Variants in HPSE2 observed in about 807,000 individuals in gnomAD.
The protein encoded by HPSE2 is inactive heparanase-2.
In HPSE2, 38 loss-of-function variants were observed where a neutral mutation model predicts 60.5. The ratio of observed to expected loss-of-function variants is 0.63; its 90% confidence interval spans 0.48 to 0.82. HPSE2 has a LOEUF of 0.82. HPSE2 is among the 40% of genes least tolerant of loss of function. The pLI is 0.00. For missense variants in HPSE2, 713 were observed against 740.4 expected, an observed-to-expected ratio of 0.96 and a Z score of 0.43; for synonymous variants, 295 against 293.2, an observed-to-expected ratio of 1.01 and a Z score of -0.06.
intron 3 of HPSE2, among the ~76,000 whole-genome samples, chr10:99,003,925 T>C (rs1956833214): frequency 1.3e-5 from 2 of 152,108 alleles, no homozygotes; most frequent in African/African-American, 4.8e-5. Context: ...AGTTTCAGAT[T>C]CTAAATTTAA....
At position 98,722,375 on chromosome 10, in the gene HPSE2, G is replaced by A. The variant is rs527297097; in HGVS notation, c.785-547C>T. On this transcript the variant is annotated intron_variant, in intron 4 of 11. Coordinates refer to ENST00000370552, the MANE Select transcript of HPSE2 (RefSeq NM_021828.5). ...ATTGCTGGCAGCCACCGGAAGCTAG[G>A]AAAGAGGCATGGAATAGATTCTCTC... 8.7e-4 allele frequency among the ~76,000 whole-genome samples: 132 copies of A among 151,770 alleles called. 2 individuals are homozygous for A. The Middle Eastern group carries it at 0.027, about 31-fold the overall frequency.
chr10:99,274,382 G>A, the HPSE2 span, among the ~76,000 whole-genome samples: 4 of 151,988 alleles, frequency 2.6e-5, no homozygotes, highest in African/African-American at 9.7e-5. Flanking sequence ...AAACCTGCAC[G>A]TCCTGCACAT....
chr10:99,068,612 TAC>T lies in HPSE2; in HGVS notation c.610+75624_610+75625del, dbSNP rs550500550. On this transcript the variant is annotated intron_variant, in intron 3 of 11. Transcript: ENST00000370552. ...ATTCAAGGTCAGATTTGTGTAGGGA[TAC>T]AGCTGAACCATATCGAGAGTGCAAA... Among the ~76,000 whole-genome samples the T allele has an allele frequency of 4.0e-3, 602 of 152,234 alleles. 5 individuals are homozygous for T. The highest frequency in any genetic ancestry group is 7.2e-3 in the Non-Finnish European group (491 of 68,020).
At chr10:98,942,830 C>A (rs1189731781) in intron 3 of HPSE2, among the ~76,000 whole-genome samples, 1 of 151,904 alleles carries the variant, frequency 6.6e-6, no homozygotes, top group Admixed American at 6.6e-5. Context: ...TGGAACCAAC[C>A]CAAGTGTCCA....
rs112281818 is a variant in HPSE2 at position 98,843,803 on chromosome 10, C to T, written c.611-99747G>A. ...GAAAGGTTATTGAAATATTTTGGTT[C>T]CAAAGCTTCCAAATGATGGGCTTAC... On this transcript the variant is annotated intron_variant, in intron 3 of 11. Transcript: ENST00000370552. 2.7e-3 allele frequency among the ~76,000 whole-genome samples: 415 copies of T among 152,286 alleles called. 1 individual carries two copies. The highest frequency in any genetic ancestry group is 4.7e-3 in the Non-Finnish European group (321 of 68,020).
intron 9 of HPSE2, among the ~76,000 whole-genome samples, chr10:98,577,361 T>C (rs141011556): frequency 2.6e-5 from 4 of 152,158 alleles, no homozygotes; most frequent in Admixed American, 1.3e-4. Flanking sequence ...ATAGATAGTA[T>C]CAAATGACTG....
intron 9 of HPSE2, among the ~76,000 whole-genome samples, chr10:98,499,386 T>C (rs1235374122): frequency 6.6e-6 from 1 of 152,174 alleles, no homozygotes; most frequent in Non-Finnish European, 1.5e-5. Flanking sequence ...TCAAGAATTT[T>C]GAATCCAGCG....
chr10:98,526,236 A>T (rs1398967836), intron 9 of HPSE2, among the ~76,000 whole-genome samples: 2 of 152,212 alleles, frequency 1.3e-5, no homozygotes, highest in Non-Finnish European at 1.5e-5. Context: ...TAATGGTTAG[A>T]AGGAAGGTCT....
At chr10:98,871,190 C>G (rs961706727) in intron 3 of HPSE2, among the ~76,000 whole-genome samples, 1 of 152,004 alleles carries the variant, frequency 6.6e-6, no homozygotes, top group Non-Finnish European at 1.5e-5. Context: ...TGAAAAACAC[C>G]TAATATAGAT....
At position 98,767,784 on chromosome 10, in the gene HPSE2, A is replaced by G. The variant is rs1335591388; in HGVS notation, c.611-23728T>C. ...AGTTATATATTACTACATCATATATAAATATGTATAAATTTAATATACTAT... is the reference window on the plus strand; with the variant it reads ...AGTTATATATTACTACATCATATATGAATATGTATAAATTTAATATACTAT... On this transcript the variant is annotated intron_variant, in intron 3 of 11. Coordinates refer to ENST00000370552, the MANE Select transcript of HPSE2 (RefSeq NM_021828.5). Among the ~76,000 whole-genome samples, 13 of 145,638 alleles carry G rather than the reference A, an allele frequency of 8.9e-5. No homozygotes were observed. In the Admixed American group the frequency reaches 9.0e-4, roughly 10 times the overall value.
At chr10:99,169,697 T>C (rs934280933) in intron 2 of HPSE2, among the ~76,000 whole-genome samples, 6 of 152,182 alleles carry the variant, frequency 3.9e-5, no homozygotes, top group African/African-American at 1.4e-4. Flanking sequence ...TGTCCTGCCC[T>C]GCAGGACAGT....
intron 5 of HPSE2, 114 bp downstream of exon 5, chr10:98,721,524 CTATGGAAAGAGTCCCTCCT>C: frequency 1.2e-6 from 1 of 833,068 alleles, no homozygotes; most frequent in Non-Finnish European, 1.9e-6. Flanking sequence ...GGTGAAGCCA[CTATGGAAAGAGTCCCTCCT>C]TTTTTCTTAA....
At chr10:98,960,736 T>TTTTTTTG (rs1955649820) in intron 3 of HPSE2, among the ~76,000 whole-genome samples, 2 of 49,880 alleles carry the variant, frequency 4.0e-5, no homozygotes, top group African/African-American at 1.3e-4. Flanking sequence ...ATTTTTTTTA[T>TTTTTTTG]TTTATTTTTT....
In HPSE2 at chr10:98,749,947, T is replaced by TATATATATATATATACACACAC; in HGVS notation, c.611-5892_611-5891insGTGTGTGTATATATATATATAT. 4.6e-3 allele frequency among the ~76,000 whole-genome samples: 449 copies of TATATATATATATATACACACAC among 98,398 alleles called. 8 individuals are homozygous for TATATATATATATATACACACAC. Among genetic ancestry groups the TATATATATATATATACACACAC allele is most frequent in the East Asian group, 0.02 (69 of 3,520 alleles). 64.6% of individuals were successfully genotyped at this position (98,398 alleles called of 152,430 possible). ...ATTAAACACTATATATATATATATATACACACACACTTACACACACATTTA... is the reference window on the plus strand; with the variant it reads ...ATTAAACACTATATATATATATATATATATATATATATATACACACACACACACACACTTACACACACATTTA... On this transcript the variant is annotated intron_variant, in intron 3 of 11. Transcript: ENST00000370552.
chr10:98,977,935 T>C (rs1467110677), intron 3 of HPSE2, among the ~76,000 whole-genome samples: 1 of 112,892 alleles, frequency 8.9e-6, no homozygotes, highest in East Asian at 3.1e-4. Flanking sequence ...ATAGATCTCA[T>C]ATATTTTATA....
At chr10:99,138,756 A>G (rs957210670) in intron 3 of HPSE2, among the ~76,000 whole-genome samples, 4 of 152,160 alleles carry the variant, frequency 2.6e-5, no homozygotes, top group Non-Finnish European at 5.9e-5. Flanking sequence ...ATGGGGGGCT[A>G]GGGGAGGGAT....
chr10:99,160,626 G>A (rs868351268), intron 2 of HPSE2, among the ~76,000 whole-genome samples: 27 of 152,262 alleles, frequency 1.8e-4, no homozygotes, highest in African/African-American at 4.1e-4. Context: ...ATGGCCGGGC[G>A]CGGTGGCTCA....
intron 2 of HPSE2, among the ~76,000 whole-genome samples, chr10:99,172,883 G>A (rs756085449): frequency 7.2e-4 from 78 of 108,858 alleles, no homozygotes; most frequent in Non-Finnish European, 1.4e-3. Flanking sequence ...CTCAAAAAAA[G>A]AAGAAGAAGA....
chr10:99,121,496 A>G lies in HPSE2; in HGVS notation c.610+22742T>C, dbSNP rs567846026. On this transcript the variant is annotated intron_variant, in intron 3 of 11. Coordinates refer to ENST00000370552, the MANE Select transcript of HPSE2 (RefSeq NM_021828.5). ...GAAACAAGTTTAAAAAAAGTGTTTA[A>G]CTTAAAAGAAAATATTTTTAAAAGA... Among the ~76,000 whole-genome samples, 3 of 151,782 alleles carry G rather than the reference A, an allele frequency of 2.0e-5. No homozygotes were observed. The South Asian group carries it at 6.2e-4, about 32-fold the overall frequency.
Sources: allele counts gnomAD v4.1 joint callset (sites outside exome capture counted in the v4.1 genomes callset), GRCh38; gene constraint gnomAD v4.1.1; transcripts MANE v1.5; gene names NCBI Gene and HGNC (gene_info 2026-07-23, HGNC 2026-07-21).